The following DOCK11 variants were observed in gnomAD, a reference collection of about 807,000 sequenced individuals.
DOCK11 encodes dedicator of cytokinesis 11.
A neutral mutation model predicts 169.1 loss-of-function variants in DOCK11; 70 were observed. That is an observed-to-expected ratio of 0.41 (90% CI 0.34 to 0.51). DOCK11 has a LOEUF of 0.51. DOCK11 is among the 20% of genes least tolerant of loss of function. The pLI, the probability that DOCK11 is intolerant of heterozygous loss-of-function variation, is 0.10. For missense variants in DOCK11, 1,166 were observed against 1,538.8 expected, an observed-to-expected ratio of 0.76 and a Z score of 4.05; for synonymous variants, 529 against 541.3, an observed-to-expected ratio of 0.98 and a Z score of 0.32.
chrX:118,663,475 C>G (rs1306221443), intron 45 of DOCK11, among the ~76,000 whole-genome samples: 1 of 110,589 alleles, frequency 9.0e-6, no homozygotes, highest in Admixed American at 9.7e-5. Flanking sequence ...TGAAGGCATC[C>G]TAAGAGACAG....
chrX:118,646,065 A>C (rs1169818170), intron 40 of DOCK11, among the ~76,000 whole-genome samples: 4 of 106,600 alleles, frequency 3.8e-5, no homozygotes, highest in Non-Finnish European at 5.8e-5. Context: ...AAAAAAAAAA[A>C]AAAAAAAAAA....
chrX:118,640,773 A>G (rs1457174051), intron 38 of DOCK11, among the ~76,000 whole-genome samples: 1 of 94,335 alleles, frequency 1.1e-5, no homozygotes, highest in Non-Finnish European at 2.1e-5. Context: ...TTGATGAAGG[A>G]GTTAAATACA....
At chrX:118,622,954 G>A (rs1387613260) in intron 31 of DOCK11, among the ~76,000 whole-genome samples, 2 of 112,326 alleles carry the variant, frequency 1.8e-5, no homozygotes, top group African/African-American at 3.2e-5. Flanking sequence ...GGTGGCTCAC[G>A]CCTGTAATCC....
At chrX:118,503,117 A>G (rs2057587491) in intron 1 of DOCK11, among the ~76,000 whole-genome samples, 1 of 92,324 alleles carries the variant, frequency 1.1e-5, no homozygotes, top group African/African-American at 4.3e-5. Flanking sequence ...CTTGTCGCCC[A>G]GGCACGATCT....
At chrX:118,571,301 C>A (rs769268849) in intron 10 of DOCK11, among the ~76,000 whole-genome samples, 2 of 111,279 alleles carry the variant, frequency 1.8e-5, no homozygotes, top group African/African-American at 6.5e-5. Flanking sequence ...CGACTAAGTT[C>A]ATAACATCGT....
intron 16 of DOCK11, among the ~76,000 whole-genome samples, chrX:118,587,339 TG>T (rs747973435): frequency 2.7e-5 from 3 of 112,099 alleles, no homozygotes; most frequent in African/African-American, 9.7e-5. Context: ...TAGTTATCTC[TG>T]GGTGGCGGAA....
intron 1 of DOCK11, among the ~76,000 whole-genome samples, chrX:118,528,521 G>GT (rs950840517): frequency 9.9e-5 from 11 of 111,584 alleles, no homozygotes; most frequent in Non-Finnish European, 7.5e-5. Flanking sequence ...TGTAGACATA[G>GT]TTTTGTCTGT....
At chrX:118,571,974 G>C (rs1000275231) in intron 10 of DOCK11, among the ~76,000 whole-genome samples, 1 of 111,900 alleles carries the variant, frequency 8.9e-6, no homozygotes, top group Non-Finnish European at 1.9e-5. Flanking sequence ...AACCAAGGAG[G>C]CCAGTGTGGC....
At chrX:118,523,970 G>C (rs1286457715) in intron 1 of DOCK11, among the ~76,000 whole-genome samples, 1 of 111,650 alleles carries the variant, frequency 9.0e-6, no homozygotes, top group African/African-American at 3.3e-5. Context: ...AAATCTGCAT[G>C]TTTGTCTTCT....
chrX:118,649,090 A>G lies in DOCK11; in HGVS notation c.4544A>G (p.Tyr1515Cys). 2 of 1,202,210 alleles carry G rather than the reference A, an allele frequency of 1.7e-6. No homozygotes were observed. Among genetic ancestry groups the G allele is most frequent in the Non-Finnish European group, 2.2e-6 (2 of 891,112 alleles). Residue 1515 changes from tyrosine to cysteine, a missense_variant, in exon 41 of 53, where the codon TAT (tyrosine) becomes TGT (cysteine). By Grantham distance (194) the Tyr-to-Cys change is radical. Coordinates refer to ENST00000276202, the MANE Select transcript of DOCK11 (RefSeq NM_144658.4). ...LYLLMRNNFE[Y>C]TKRKTFLRTH... ...CTTTTGATGAGAAACAACTTTGAGT[A>G]TACCAAAAGGAAAACCTTTTTGAGG... is the stretch of plus-strand genomic sequence containing the variant.
chrX:118,516,093 C>CTTTTTTTTTTTTTTTTTTTTTTTTTTTTT (rs773184047), intron 1 of DOCK11, among the ~76,000 whole-genome samples: 1 of 54,994 alleles, frequency 1.8e-5, no homozygotes, highest in Non-Finnish European at 3.1e-5. Flanking sequence ...TTTTCTTTTT[C>CTTTTTTTTTTTTTTTTTTTTTTTTTTTTT]TTTTTTTTTT....
intron 12 of DOCK11, among the ~76,000 whole-genome samples, chrX:118,577,423 C>T (rs2013482016): frequency 8.9e-6 from 1 of 112,313 alleles, no homozygotes; most frequent in South Asian, 3.7e-4. Flanking sequence ...CACTACTATC[C>T]TGCTATTTCA....
At chrX:118,511,153 A>T (rs755819629) in intron 1 of DOCK11, among the ~76,000 whole-genome samples, 2 of 112,214 alleles carry the variant, frequency 1.8e-5, no homozygotes, top group African/African-American at 6.5e-5. Flanking sequence ...CAGGCCCAGC[A>T]TATCTTTTTT....
intron 44 of DOCK11, among the ~76,000 whole-genome samples, chrX:118,657,297 G>A (rs1323183181): frequency 9.0e-6 from 1 of 111,329 alleles, no homozygotes; most frequent in Non-Finnish European, 1.9e-5. Context: ...AGAAATCAAA[G>A]CACTCTTCAC....
intron 46 of DOCK11, among the ~76,000 whole-genome samples, chrX:118,672,975 G>A (rs1489294460): frequency 8.9e-6 from 1 of 111,940 alleles, no homozygotes; most frequent in Non-Finnish European, 1.9e-5. Context: ...TTAATAAGCT[G>A]AAGTATAGGT....
chrX:118,577,480 C>T (rs760414595), intron 12 of DOCK11, among the ~76,000 whole-genome samples: 33 of 112,631 alleles, frequency 2.9e-4, no homozygotes, highest in African/African-American at 1.1e-3. Context: ...TGCTTAAACC[C>T]ATAAATGTTG....
intron 6 of DOCK11, among the ~76,000 whole-genome samples, chrX:118,555,981 C>T (rs1269972847): frequency 1.8e-5 from 2 of 111,018 alleles, no homozygotes; most frequent in Non-Finnish European, 3.8e-5. Context: ...AGGTAACACA[C>T]AATAGGTAAA....
At chrX:118,516,087 C>CTTTT (rs1300617761) in intron 1 of DOCK11, among the ~76,000 whole-genome samples, 4 of 63,705 alleles carry the variant, frequency 6.3e-5, no homozygotes, top group African/African-American at 2.8e-4. Flanking sequence ...CTTTTCTTTT[C>CTTTT]TTTTTCTTTT....
At chrX:118,544,964 C>T (rs149171604) in intron 4 of DOCK11, among the ~76,000 whole-genome samples, 1,207 of 109,450 alleles carry the variant, frequency 0.011, 20 homozygotes, top group African/African-American at 0.038. Context: ...AGCCACCACG[C>T]CTGGCCTGTG....
Sources: allele counts gnomAD v4.1 joint callset (sites outside exome capture counted in the v4.1 genomes callset), GRCh38; gene constraint gnomAD v4.1.1; transcripts MANE v1.5; gene names NCBI Gene and HGNC (gene_info 2026-07-23, HGNC 2026-07-21).